Variants in ADAMTS6 observed in about 807,000 individuals in gnomAD.
The protein encoded by ADAMTS6 is ADAM metallopeptidase with thrombospondin type 1 motif 6, also known as A disintegrin and metalloproteinase with thrombospondin motifs 6.
ADAMTS6 carries 23 observed loss-of-function variants against 144.3 expected under a neutral mutation model. The observed-to-expected ratio is 0.16, with a 90% confidence interval of 0.11 to 0.23. The LOEUF (loss-of-function observed/expected upper bound fraction) is 0.23. Ranked by LOEUF, ADAMTS6 falls within the 10% of genes least tolerant of loss-of-function variation. ADAMTS6 has a pLI of 1.00. For synonymous variants in ADAMTS6, 444 were observed against 457.5 expected, an observed-to-expected ratio of 0.97 and a Z score of 0.38; for missense variants, 999 against 1,379.6, an observed-to-expected ratio of 0.72 and a Z score of 4.37.
At chr5:65,280,580 C>T (rs1762912444) in intron 11 of ADAMTS6, among the ~76,000 whole-genome samples, 1 of 152,116 alleles carries the variant, frequency 6.6e-6, no homozygotes, top group African/African-American at 2.4e-5. Context: ...AGGAAACATT[C>T]ACACATGAAA....
intron 18 of ADAMTS6, among the ~76,000 whole-genome samples, chr5:65,222,596 T>C (rs1757408156): frequency 6.6e-6 from 1 of 152,060 alleles, no homozygotes; most frequent in Non-Finnish European, 1.5e-5. Flanking sequence ...AAATAAATAA[T>C]TGTTCTTCCC....
chr5:65,293,250 C>A (rs2112767898), intron 10 of ADAMTS6, among the ~76,000 whole-genome samples: 1 of 151,922 alleles, frequency 6.6e-6, no homozygotes, highest in South Asian at 2.1e-4. Flanking sequence ...TTATAAATAT[C>A]TTTATGAAAG....
intron 4 of ADAMTS6, among the ~76,000 whole-genome samples, chr5:65,457,468 T>A (rs1284469351): frequency 6.6e-6 from 1 of 152,290 alleles, no homozygotes; most frequent in African/African-American, 2.4e-5. Context: ...GCCATAAGAA[T>A]GGATTGGAGA....
At chr5:65,305,042 T>C (rs1167833635) in intron 9 of ADAMTS6, among the ~76,000 whole-genome samples, 1 of 151,752 alleles carries the variant, frequency 6.6e-6, no homozygotes, top group Non-Finnish European at 1.5e-5. Flanking sequence ...ATGACAGCTA[T>C]ATAAGACAAT....
At chr5:65,306,554 T>A (rs1743957469) in intron 9 of ADAMTS6, among the ~76,000 whole-genome samples, 1 of 152,216 alleles carries the variant, frequency 6.6e-6, no homozygotes, top group African/African-American at 2.4e-5. Context: ...GGATCACTGC[T>A]CTAGGATAGA....
At chr5:65,236,617 A>G (rs1252114078) in intron 15 of ADAMTS6, among the ~76,000 whole-genome samples, 1 of 152,112 alleles carries the variant, frequency 6.6e-6, no homozygotes, top group African/African-American at 2.4e-5. Context: ...ATTAAATTAT[A>G]TATGAACAAC....
intron 9 of ADAMTS6, among the ~76,000 whole-genome samples, chr5:65,317,429 A>T (rs1745117591): frequency 6.6e-6 from 1 of 152,182 alleles, no homozygotes; most frequent in Non-Finnish European, 1.5e-5. Context: ...ACTTAATTAA[A>T]CCTAAGACCC....
intron 21 of ADAMTS6, among the ~76,000 whole-genome samples, chr5:65,192,584 C>T (rs1755083671): frequency 6.6e-6 from 1 of 151,578 alleles, no homozygotes; most frequent in Non-Finnish European, 1.5e-5. Context: ...TGGATTCCAA[C>T]TTATTTTTTT....
At chr5:65,204,167 T>C (rs547759477) in intron 20 of ADAMTS6, among the ~76,000 whole-genome samples, 1 of 152,288 alleles carries the variant, frequency 6.6e-6, no homozygotes, top group East Asian at 1.9e-4. Flanking sequence ...CATGTCAAGA[T>C]TATCAAAATA....
At chr5:65,369,119 C>A (rs1244802025) in intron 7 of ADAMTS6, among the ~76,000 whole-genome samples, 1 of 152,130 alleles carries the variant, frequency 6.6e-6, no homozygotes, top group Non-Finnish European at 1.5e-5. Context: ...ACCCCAGAGG[C>A]TGAGTTGGGA....
intron 11 of ADAMTS6, among the ~76,000 whole-genome samples, chr5:65,284,597 C>T (rs1385040455): frequency 1.3e-5 from 2 of 151,844 alleles, no homozygotes; most frequent in Non-Finnish European, 2.9e-5. Flanking sequence ...ATATTAAATC[C>T]TAAAAGTCTC....
chr5:65,221,118 GGA>G (rs780782220), intron 18 of ADAMTS6, among the ~76,000 whole-genome samples: 24 of 151,928 alleles, frequency 1.6e-4, no homozygotes, highest in Non-Finnish European at 2.8e-4. Flanking sequence ...AGAAAACAGA[GGA>G]GAAAGGAACA....
At chr5:65,315,888 A>T (rs1262500169) in intron 9 of ADAMTS6, among the ~76,000 whole-genome samples, 2 of 151,942 alleles carry the variant, frequency 1.3e-5, no homozygotes, top group South Asian at 2.1e-4. Flanking sequence ...GAAATACACA[A>T]ATCCACTATT....
At chr5:65,398,834 A>AAG (rs1392980241) in intron 7 of ADAMTS6, among the ~76,000 whole-genome samples, 1 of 141,266 alleles carries the variant, frequency 7.1e-6, no homozygotes, top group African/African-American at 2.8e-5. Context: ...GAAAGAAAGA[A>AAG]AGAAAGAAAG....
At chr5:65,338,773 G>A (rs755614628) in intron 7 of ADAMTS6, among the ~76,000 whole-genome samples, 7 of 152,108 alleles carry the variant, frequency 4.6e-5, no homozygotes, top group Non-Finnish European at 8.8e-5. Flanking sequence ...AGAAACAGCC[G>A]TGTGGGCCAC....
chr5:65,464,114 T>C (rs1239581195), intron 3 of ADAMTS6, among the ~76,000 whole-genome samples: 1 of 152,192 alleles, frequency 6.6e-6, no homozygotes, highest in Non-Finnish European at 1.5e-5. Flanking sequence ...ATTCCTGAAA[T>C]AGTTGTTGAT....
chr5:65,283,582 ACTT>A (rs1262107238), intron 11 of ADAMTS6, among the ~76,000 whole-genome samples: 2 of 152,154 alleles, frequency 1.3e-5, no homozygotes, highest in African/African-American at 4.8e-5. Flanking sequence ...AATCAAATAA[ACTT>A]CTTGTCAAGT....
intron 11 of ADAMTS6, among the ~76,000 whole-genome samples, chr5:65,274,396 AT>A (rs1386056898): frequency 6.6e-6 from 1 of 152,008 alleles, no homozygotes; most frequent in Non-Finnish European, 1.5e-5. Context: ...TATAATATAT[AT>A]TTATAATAAA....
At chr5:65,439,748 A>C (rs771875232) in intron 7 of ADAMTS6, among the ~76,000 whole-genome samples, 3 of 152,202 alleles carry the variant, frequency 2.0e-5, no homozygotes, top group Non-Finnish European at 4.4e-5. Context: ...TACTGTATCA[A>C]CACTACATAT....
Sources: allele counts gnomAD v4.1 joint callset (sites outside exome capture counted in the v4.1 genomes callset), GRCh38; gene constraint gnomAD v4.1.1; transcripts MANE v1.5; gene names NCBI Gene and HGNC (gene_info 2026-07-23, HGNC 2026-07-21).